The following ASCC3 variants were observed in gnomAD, a reference collection of about 807,000 sequenced individuals.
ASCC3 encodes ASC-1 complex subunit P200.
Under a neutral mutation model 256.3 loss-of-function variants are expected in ASCC3, and 158 were observed. The ratio of observed to expected loss-of-function variants is 0.62; its 90% confidence interval spans 0.54 to 0.70. The LOEUF (loss-of-function observed/expected upper bound fraction) is 0.70. Ranked by LOEUF, ASCC3 falls within the 30% of genes least tolerant of loss-of-function variation. The pLI is 0.00. For synonymous variants in ASCC3, 948 were observed against 883.4 expected (o/e 1.07, Z -1.30); for missense variants, 2,259 against 2,626.0 (o/e 0.86, Z 3.05).
Position 100,800,367 on chromosome 6 carries a change from C to G in ASCC3, c.1060G>C (p.Ala354Pro). 2.5e-6 allele frequency: 4 copies of G among 1,613,056 alleles called. No homozygotes were observed. Among genetic ancestry groups the G allele is most frequent in the Non-Finnish European group, 3.4e-6 (4 of 1,179,384 alleles). The change falls in exon 6 of 42, where the codon GCT becomes CCT. Residue 354 changes from alanine to proline, a missense_variant. Around this residue, in one of 2 missense-constraint regions of ASCC3, gnomAD observed 420 missense variants for 419.3 expected, o/e 1.00. Transcript: ENST00000369162. Reference sequence around the variant, plus strand: ...TCTGAAACTTCTAAATCTTCTCCAGCCTTTTTTTCTCGTCTGGCAATTCTT... The same window carrying G: ...TCTGAAACTTCTAAATCTTCTCCAGGCTTTTTTTCTCGTCTGGCAATTCTT... ...EKRIARREKK[A>P]GEDLEVSEGL...
At chr6:100,733,236 A>C (rs561559348) in intron 10 of ASCC3, among the ~76,000 whole-genome samples, 1 of 152,294 alleles carries the variant, frequency 6.6e-6, no homozygotes, top group East Asian at 1.9e-4. Flanking sequence ...TTTCTTCTAT[A>C]GAACACTATT....
intron 13 of ASCC3, among the ~76,000 whole-genome samples, chr6:100,699,536 T>C (rs754509548): frequency 9.9e-5 from 15 of 152,116 alleles, no homozygotes; most frequent in Admixed American, 7.9e-4. Context: ...TTTGTACCAG[T>C]AGAGTGAGGT....
chr6:100,566,650 T>G (rs1770265926), intron 36 of ASCC3, among the ~76,000 whole-genome samples: 1 of 152,210 alleles, frequency 6.6e-6, no homozygotes, highest in East Asian at 1.9e-4. Flanking sequence ...ATTATTCCAT[T>G]TATGCATTGA....
At chr6:100,856,066 T>C (rs1359760154) in intron 3 of ASCC3, among the ~76,000 whole-genome samples, 1 of 152,136 alleles carries the variant, frequency 6.6e-6, no homozygotes, top group African/African-American at 2.4e-5. Context: ...TGCCTAGATG[T>C]GGAGCAGATA....
chr6:100,691,671 T>C (rs1777856658), intron 13 of ASCC3, among the ~76,000 whole-genome samples: 1 of 152,066 alleles, frequency 6.6e-6, no homozygotes, highest in Non-Finnish European at 1.5e-5. Flanking sequence ...TAATTTTACT[T>C]GCTCATAATT....
At chr6:100,605,834 T>C (rs1772857357) in intron 32 of ASCC3, 134 bp from the exon 33 acceptor site, 4 of 1,022,866 alleles carry the variant, frequency 3.9e-6, no homozygotes, top group Non-Finnish European at 4.4e-6. Context: ...GTTTGCTATG[T>C]TGATGGCTAC....
At chr6:100,561,416 AT>A (rs1769945277) in intron 36 of ASCC3, among the ~76,000 whole-genome samples, 2 of 152,146 alleles carry the variant, frequency 1.3e-5, no homozygotes, top group African/African-American at 4.8e-5. Flanking sequence ...TAACAAAAAT[AT>A]TTTAAATAAC....
At chr6:100,765,451 G>C (rs1391992253) in intron 10 of ASCC3, among the ~76,000 whole-genome samples, 1 of 152,108 alleles carries the variant, frequency 6.6e-6, no homozygotes, top group African/African-American at 2.4e-5. Context: ...AGCTTCATCG[G>C]CATGATAAAA....
At chr6:100,858,796 T>C (rs1773083112) in intron 3 of ASCC3, 3 of 713,238 alleles carry the variant, frequency 4.2e-6, no homozygotes, top group Non-Finnish European at 5.7e-6. Context: ...ACACCTGAGA[T>C]CTAATATTAC....
At chr6:100,524,444 T>C (rs1264646936) in intron 37 of ASCC3, among the ~76,000 whole-genome samples, 2 of 152,186 alleles carry the variant, frequency 1.3e-5, no homozygotes, top group African/African-American at 4.8e-5. Flanking sequence ...AATTCTGGAT[T>C]TAAATAATCC....
At chr6:100,657,378 C>T (rs936810441) in intron 16 of ASCC3, among the ~76,000 whole-genome samples, 11 of 151,346 alleles carry the variant, frequency 7.3e-5, no homozygotes, top group African/African-American at 2.7e-4. Flanking sequence ...TGAAGATTTA[C>T]AACTAAAACA....
intron 16 of ASCC3, among the ~76,000 whole-genome samples, chr6:100,659,387 A>G (rs1047682773): frequency 1.3e-5 from 2 of 151,518 alleles, no homozygotes; most frequent in Non-Finnish European, 3.0e-5. Flanking sequence ...ATTTATTTTA[A>G]TAGGGAACTA....
At chr6:100,673,538 C>T (rs1776858726) in intron 14 of ASCC3, among the ~76,000 whole-genome samples, 2 of 151,858 alleles carry the variant, frequency 1.3e-5, no homozygotes, top group South Asian at 2.1e-4. Flanking sequence ...AAAAAAATAG[C>T]TACAATCAAA....
chr6:100,663,703 ATCT>A (rs1390616834), intron 14 of ASCC3, among the ~76,000 whole-genome samples: 1 of 152,142 alleles, frequency 6.6e-6, no homozygotes, highest in African/African-American at 2.4e-5. Flanking sequence ...AGAGCAACAA[ATCT>A]TCTAGTTGTG....
chr6:100,727,100 A>T (rs763137710), intron 10 of ASCC3, among the ~76,000 whole-genome samples: 1 of 152,122 alleles, frequency 6.6e-6, no homozygotes, highest in Non-Finnish European at 1.5e-5. Context: ...AGCTGTATAT[A>T]GTAAAATTAC....
intron 19 of ASCC3, 134 bp downstream of exon 19, chr6:100,651,426 G>A: frequency 2.7e-6 from 1 of 376,814 alleles, no homozygotes; most frequent in Non-Finnish European, 4.9e-6. Context: ...GGGTCTTATT[G>A]TTAAATGAAG....
At chr6:100,758,437 G>A (rs1030799003) in intron 10 of ASCC3, among the ~76,000 whole-genome samples, 1 of 151,952 alleles carries the variant, frequency 6.6e-6, no homozygotes, top group Non-Finnish European at 1.5e-5. Flanking sequence ...TTCTCCCTGT[G>A]TCCATGTGTT....
At chr6:100,810,454 T>C (rs1236391457) in intron 4 of ASCC3, among the ~76,000 whole-genome samples, 1 of 152,176 alleles carries the variant, frequency 6.6e-6, no homozygotes, top group East Asian at 1.9e-4. Context: ...GCAAGACAAA[T>C]GGCAAGTGCT....
At chr6:100,555,830 A>T (rs1769544323) in intron 36 of ASCC3, among the ~76,000 whole-genome samples, 1 of 152,194 alleles carries the variant, frequency 6.6e-6, no homozygotes, top group Non-Finnish European at 1.5e-5. Flanking sequence ...AATCTATCTT[A>T]AAAAGCCAAA....
Sources: gnomAD v4.1 joint callset for allele counts (sites outside exome capture counted in the v4.1 genomes callset) on GRCh38, gnomAD v4.1.1 for gene constraint, gnomAD v4.1.1 regional missense constraint, MANE v1.5 for transcripts, NCBI Gene and HGNC (gene_info 2026-07-23, HGNC 2026-07-21) for gene names.